Variants in SPPL2B observed in about 807,000 individuals in gnomAD.
The protein encoded by SPPL2B is signal peptide peptidase-like 2B.
A neutral mutation model predicts 59.7 loss-of-function variants in SPPL2B; 39 were observed. The ratio of observed to expected loss-of-function variants is 0.65; its 90% CI spans 0.51 to 0.85. The LOEUF is 0.85. SPPL2B is among the 40% of genes least tolerant of loss of function. The pLI is 0.00. For missense variants in SPPL2B, 865 were observed against 849.0 expected (o/e 1.02, Z -0.23); for synonymous variants, 419 against 370.8 (o/e 1.13, Z -1.49).
chr19:2,343,651 C>G (rs555689470), intron 9 of SPPL2B, among the ~76,000 whole-genome samples: 7 of 152,114 alleles, frequency 4.6e-5, no homozygotes, highest in Admixed American at 4.6e-4. Context: ...CCACAGCACC[C>G]CAAGCAAGCG....
Position 2,353,190 on chromosome 19 carries a change from A to G in SPPL2B, c.1760A>G (p.Gln587Arg). 1 of 1,604,244 alleles carries G rather than the reference A, an allele frequency of 6.2e-7. No individual in the cohort carries two copies. The highest frequency in any genetic ancestry group is 8.5e-7 in the Non-Finnish European group (1 of 1,178,802). Residue 587 changes from glutamine to arginine, a missense_variant, in exon 15 of 15, where the codon CAG becomes CGG. Physicochemically the swap from Gln to Arg is conservative, Grantham distance 43. Coordinates refer to ENST00000613503, the MANE Select transcript of SPPL2B (RefSeq NM_152988.3). ...CAGGCCCAGCCGTCCCCGGTAACCCAGCCTGGCGCCTCGGCCTAGGGGAGG... is the reference window on the plus strand; with the variant it reads ...CAGGCCCAGCCGTCCCCGGTAACCCGGCCTGGCGCCTCGGCCTAGGGGAGG... ...RDQAQPSPVT[Q>R]PGASA
intron 11 of SPPL2B, 51 bp downstream of exon 11, chr19:2,344,475 G>A (rs781680755): frequency 2.4e-5 from 37 of 1,567,560 alleles, no homozygotes; most frequent in Non-Finnish European, 2.9e-5. Flanking sequence ...AAGGTGTTGC[G>A]CGGAGCGGAT....
chr19:2,344,313 C>A, intron 10 of SPPL2B, 49 bp from the exon 11 acceptor site: 2 of 509,952 alleles, frequency 3.9e-6, no homozygotes, highest in Non-Finnish European at 7.2e-6. Context: ...CACTCCCCTG[C>A]CCCCCCACCC....
intron 10 of SPPL2B, 42 bp from the exon 11 acceptor site, chr19:2,344,319 CA>C: frequency 8.8e-7 from 1 of 1,140,900 alleles, no homozygotes; most frequent in Non-Finnish European, 1.3e-6. Context: ...CCTGCCCCCC[CA>C]CCCCATCACC....
At chr19:2,346,684 A>G (rs1969388219) in intron 13 of SPPL2B, among the ~76,000 whole-genome samples, 1 of 152,188 alleles carries the variant, frequency 6.6e-6, no homozygotes, top group South Asian at 2.1e-4. Flanking sequence ...TAATAATAAA[A>G]TGAAAGAAAA....
At chr19:2,336,868 G>T (rs1474400779) in intron 2 of SPPL2B, among the ~76,000 whole-genome samples, 1 of 147,068 alleles carries the variant, frequency 6.8e-6, no homozygotes, top group Non-Finnish European at 1.5e-5. Flanking sequence ...CCTGGCTGTG[G>T]GTGTGTGCGT....
rs945906395 is a variant in SPPL2B, at chr19:2,353,409, G to A, written c.*200G>A. 7.8e-6 allele frequency: 5 copies of A among 639,700 alleles called. No individual in the cohort carries two copies. Among genetic ancestry groups the A allele is most frequent in the African/African-American group, 5.8e-5 (3 of 52,154 alleles). 39.6% of individuals were successfully genotyped at this position (639,700 alleles called of 1,614,324 possible). ...CCCAGCCCAGCTGCCCCGGCTGCAC[G>A]CCTGCTGCTCCCAGCTCGCCCGGCT... On this transcript the variant is annotated 3_prime_UTR_variant, in exon 15 of 15. Transcript: ENST00000613503.
intron 5 of SPPL2B, 62 bp from the exon 6 acceptor site, chr19:2,339,762 C>T: frequency 6.4e-7 from 1 of 1,561,828 alleles, no homozygotes; most frequent in Non-Finnish European, 8.7e-7. Flanking sequence ...TGGCTGTGGG[C>T]TCCCGAGCCC....
At chr19:2,350,023 A>C (rs1200443947) in intron 13 of SPPL2B, among the ~76,000 whole-genome samples, 3 of 120,754 alleles carry the variant, frequency 2.5e-5, no homozygotes, top group Non-Finnish European at 3.4e-5. Context: ...CTCGACACAC[A>C]CTCGCTCTCA....
At chr19:2,340,521 G>C (rs1968966649) in intron 7 of SPPL2B, 2 of 593,982 alleles carry the variant, frequency 3.4e-6, no homozygotes, top group South Asian at 3.2e-5. Context: ...GGTAAAGGGA[G>C]CTGCTGGGGG....
rs1191905814 is a variant in SPPL2B, at chr19:2,341,030, C to G, written c.956+16C>G. On this transcript the variant is annotated intron_variant, in intron 8 of 14. Transcript: ENST00000613503. ...ACGAGGACCAGTAAGTGCTGCTTCCCCCGGGCCCCGGCGGGCAGCGGAGTC... is the reference window on the plus strand; with the variant it reads ...ACGAGGACCAGTAAGTGCTGCTTCCGCCGGGCCCCGGCGGGCAGCGGAGTC... The G allele has an allele frequency of 1.0e-5, 16 of 1,586,346 alleles. No individual in the cohort carries two copies. The highest frequency in any genetic ancestry group is 1.7e-4 in the Middle Eastern group (1 of 6,034).
rs558532459 is a variant in SPPL2B, at chr19:2,334,000, C to T, written c.67-602C>T. ...GGCCCCTTGGCCCACCTGCTTCCTG[C>T]TGTTCTACCAGTGGGAGCTGAGGGG... On this transcript the variant is annotated intron_variant, in intron 1 of 14. Transcript: ENST00000613503. Among the ~76,000 whole-genome samples the T allele has an allele frequency of 3.9e-5, 6 of 152,366 alleles. No individual in the cohort carries two copies. The East Asian group carries it at 7.7e-4, about 20-fold the overall frequency.
At chr19:2,340,004 T>A (rs1415159383) in intron 6 of SPPL2B, 38 bp downstream of exon 6, 2 of 1,554,294 alleles carry the variant, frequency 1.3e-6, no homozygotes, top group African/African-American at 2.7e-5. Context: ...GGCGTGGAGA[T>A]GCAGCCCGCC....
rs913210314 is a variant in SPPL2B, at chr19:2,343,330, G to T, written c.1038+38G>T. On this transcript the variant is annotated intron_variant, in intron 9 of 14. Coordinates refer to ENST00000613503, the MANE Select transcript of SPPL2B (RefSeq NM_152988.3). ...AGGGCACGGCTGCGGGGCAGCATGGGTAGTGGGGGCCCTTCATCCTAGCCT... is the reference window on the plus strand; with the variant it reads ...AGGGCACGGCTGCGGGGCAGCATGGTTAGTGGGGGCCCTTCATCCTAGCCT... 3.3e-6 allele frequency: 5 copies of T among 1,498,274 alleles called. No individual in the cohort carries two copies. The African/African-American group carries it at 4.2e-5, about 12-fold the overall frequency. 92.8% of individuals were successfully genotyped at this position (1,498,274 alleles called of 1,614,324 possible).
At position 2,351,434 on chromosome 19, in the gene SPPL2B, C is replaced by A; in HGVS notation, c.1355C>A (p.Ala452Asp). Residue 452 changes from alanine (A) to aspartate (D), a missense_variant and splice_region_variant, in exon 14 of 15, where the codon GCC becomes GAC. Coordinates refer to ENST00000613503, the MANE Select transcript of SPPL2B (RefSeq NM_152988.3). ...SRVYFVACTIAYGVGLLVTFV... is the reference protein window; with the variant it reads ...SRVYFVACTIDYGVGLLVTFV... The stretch of plus-strand genomic sequence containing the variant: ...GGTGATGCCTCCTCTGTCCCCACAG[C>A]CTATGGCGTTGGCCTCCTTGTGACA... 6 of 1,601,712 alleles carry A rather than the reference C, an allele frequency of 3.7e-6. No homozygotes were observed. Among genetic ancestry groups the A allele is most frequent in the Non-Finnish European group, 5.1e-6 (6 of 1,174,654 alleles).
chr19:2,351,800 G>T (rs1302340285), intron 14 of SPPL2B: 2 of 699,004 alleles, frequency 2.9e-6, no homozygotes, highest in East Asian at 3.1e-5. Flanking sequence ...GGATGCGGGG[G>T]TGCCAGGTGG....
At chr19:2,333,578 G>A (rs954219702) in intron 1 of SPPL2B, among the ~76,000 whole-genome samples, 1 of 152,232 alleles carries the variant, frequency 6.6e-6, no homozygotes, top group Non-Finnish European at 1.5e-5. Flanking sequence ...CAGCCCTCCT[G>A]GGAGGCGTCC....
chr19:2,348,207 C>CCA (rs1555756578), intron 13 of SPPL2B, among the ~76,000 whole-genome samples: 1 of 115,708 alleles, frequency 8.6e-6, no homozygotes, highest in Non-Finnish European at 1.8e-5. Context: ...CGTTCTCTCT[C>CCA]CACACACACA....
intron 1 of SPPL2B, among the ~76,000 whole-genome samples, chr19:2,329,871 T>TA (rs1188573172): frequency 6.6e-6 from 1 of 152,192 alleles, no homozygotes; most frequent in African/African-American, 2.4e-5. Context: ...TCTTTTCTCT[T>TA]ACCCTGAGAT....
Sources: allele counts gnomAD v4.1 joint callset (sites outside exome capture counted in the v4.1 genomes callset), GRCh38; gene constraint gnomAD v4.1.1; transcripts MANE v1.5; gene names NCBI Gene and HGNC (gene_info 2026-07-23, HGNC 2026-07-21).